Variants in CEP57 observed in about 807,000 individuals in gnomAD.
The protein encoded by CEP57 is centrosomal protein of 57 kDa.
A neutral mutation model predicts 68.0 loss-of-function variants in CEP57; 40 were observed. The observed-to-expected ratio is 0.59, with a 90% CI of 0.46 to 0.77. The LOEUF is 0.77. Among genes scored for constraint, CEP57 ranks in the 30% least tolerant of loss-of-function variants. The pLI is 0.00. For missense variants in CEP57, 606 were observed against 580.7 expected (o/e 1.04, Z -0.45); for synonymous variants, 219 against 198.7 (o/e 1.10, Z -0.86).
At chr11:95,810,891 A>G (rs1275193591) in intron 2 of CEP57, among the ~76,000 whole-genome samples, 2 of 152,192 alleles carry the variant, frequency 1.3e-5, no homozygotes, top group Non-Finnish European at 2.9e-5. Flanking sequence ...CACATTACCA[A>G]GACAATCCTG....
At position 95,790,611 on chromosome 11, in the gene CEP57, C is replaced by T. The variant is rs543140091; in HGVS notation, c.-88C>T. The T allele has an allele frequency of 2.2e-4, 329 of 1,519,706 alleles. 1 individual carries two copies. In the African/African-American group the frequency reaches 3.9e-3, roughly 18 times the overall value. 94.1% of individuals were successfully genotyped at this position (1,519,706 alleles called of 1,614,324 possible). ...CATCAGGGGTTCAGCCTAGGGTCCC[C>T]GCTGGTGGGCGGCTCCCGAGTCTTG... On this transcript the variant is annotated 5_prime_UTR_variant, in exon 1 of 11. Transcript: ENST00000325542.
rs1862886218 is a variant in CEP57, at chr11:95,829,183, A to C, written c.1128-4A>C. ...ACCATGTTCTACTTCTGCTTTGTAT[A>C]TAGTGATCACCAGCAGCTTGCAAAA... On this transcript the variant is annotated splice_polypyrimidine_tract_variant and splice_region_variant and intron_variant, in intron 9 of 10. Coordinates refer to ENST00000325542, the MANE Select transcript of CEP57 (RefSeq NM_014679.5). 1 of 1,613,758 alleles carries C rather than the reference A, an allele frequency of 6.2e-7. No individual in the cohort carries two copies. The highest frequency in any genetic ancestry group is 8.5e-7 in the Non-Finnish European group (1 of 1,179,932).
chr11:95,826,731 T>C (rs925900114), intron 8 of CEP57: 1 of 152,202 alleles, frequency 6.6e-6, no homozygotes, highest in African/African-American at 2.4e-5. Flanking sequence ...TTTTAAATTA[T>C]TGCATATTGA....
chr11:95,801,381 G>C (rs1479172158), intron 2 of CEP57, among the ~76,000 whole-genome samples: 1 of 145,340 alleles, frequency 6.9e-6, no homozygotes, highest in Admixed American at 7.0e-5. Context: ...CTACACATCA[G>C]AGTATAGCAG....
intron 2 of CEP57, 126 bp downstream of exon 2, chr11:95,799,514 C>T (rs937948459): frequency 8.8e-6 from 10 of 1,142,292 alleles, no homozygotes; most frequent in Non-Finnish European, 1.3e-5. Flanking sequence ...GTTTCAGCCC[C>T]CAGAAAATAT....
chr11:95,828,871 T>C (rs955676970), intron 9 of CEP57, among the ~76,000 whole-genome samples: 1 of 151,910 alleles, frequency 6.6e-6, no homozygotes, highest in African/African-American at 2.4e-5. Context: ...TGAAAACCTG[T>C]CTGTACTAAA....
chr11:95,809,589 A>G (rs1411857878), intron 2 of CEP57, among the ~76,000 whole-genome samples: 2 of 152,250 alleles, frequency 1.3e-5, no homozygotes, highest in Non-Finnish European at 2.9e-5. Context: ...CAAATAAACT[A>G]GAAAATCTAG....
At chr11:95,827,625 C>T in intron 8 of CEP57, 161 bp from the exon 9 acceptor site, 1 of 796,346 alleles carries the variant, frequency 1.3e-6, no homozygotes, top group East Asian at 2.7e-5. Flanking sequence ...GGATTTATAT[C>T]AAAGGATTTC....
chr11:95,797,581 C>G (rs1218987071), intron 1 of CEP57, among the ~76,000 whole-genome samples: 1 of 152,056 alleles, frequency 6.6e-6, no homozygotes, highest in African/African-American at 2.4e-5. Context: ...CTTCATCAGC[C>G]TAACAAGGAT....
intron 1 of CEP57, among the ~76,000 whole-genome samples, chr11:95,796,927 A>G (rs1213374010): frequency 6.6e-6 from 1 of 152,202 alleles, no homozygotes; most frequent in Admixed American, 6.5e-5. Context: ...ACATAGGGCA[A>G]GGTGTGAAAG....
chr11:95,805,653 T>G (rs1861767327), intron 2 of CEP57, among the ~76,000 whole-genome samples: 1 of 152,206 alleles, frequency 6.6e-6, no homozygotes, highest in South Asian at 2.1e-4. Context: ...TGATTCTAAA[T>G]AATTACTTGG....
intron 2 of CEP57, among the ~76,000 whole-genome samples, chr11:95,806,227 T>G (rs557310509): frequency 1.3e-5 from 2 of 152,262 alleles, no homozygotes; most frequent in African/African-American, 4.8e-5. Flanking sequence ...TGGGTATAAT[T>G]AATAAGGAAA....
rs947359384 is a variant in CEP57 at position 95,831,849 on chromosome 11, TA to T, written c.*595del. On this transcript the variant is annotated 3_prime_UTR_variant, in exon 11 of 11. Transcript: ENST00000325542. ...GCACTTGTATTGCTTTTTAATCTGT[TA>T]ATTTTTTAAAGACCCAAGCAGTCAT... 6.6e-6 allele frequency: 1 copy of T among 152,150 alleles called. No individual in the cohort carries two copies. The highest frequency in any genetic ancestry group is 2.4e-5 in the African/African-American group (1 of 41,442). 9.4% of individuals were successfully genotyped at this position (152,150 alleles called of 1,614,324 possible).
chr11:95,829,243 A>G lies in CEP57; in HGVS notation c.1184A>G (p.Asp395Gly), dbSNP rs1475572291. 3.1e-6 allele frequency: 5 copies of G among 1,614,132 alleles called. No homozygotes were observed. Among genetic ancestry groups the G allele is most frequent in the Admixed American group, 3.3e-5 (2 of 60,016 alleles). ...GAGTCGCCAACCGTTGAACTGAAAG[A>G]CAAGTTGGAGTGTGAATTGGAGGCA... ...IQESPTVELK[D>G]KLECELEALV... The change falls in exon 10 of 11, where the codon GAC becomes GGC. Residue 395 changes from aspartate (D) to glycine (G), a missense_variant. By Grantham distance (94) the Asp-to-Gly change is moderately conservative. Transcript: ENST00000325542.
chr11:95,813,847 A>G (rs1034184998), intron 4 of CEP57, among the ~76,000 whole-genome samples: 1 of 152,252 alleles, frequency 6.6e-6, no homozygotes, highest in African/African-American at 2.4e-5. Context: ...TTGAGTCTAC[A>G]TTATAAAAAG....
chr11:95,801,721 C>T (rs1861588668), intron 2 of CEP57, among the ~76,000 whole-genome samples: 1 of 151,512 alleles, frequency 6.6e-6, no homozygotes, highest in Non-Finnish European at 1.5e-5. Context: ...GATTTATTCA[C>T]CGAGAATCAG....
chr11:95,797,617 A>G (rs1313385251), intron 1 of CEP57, among the ~76,000 whole-genome samples: 2 of 152,178 alleles, frequency 1.3e-5, no homozygotes, highest in Non-Finnish European at 2.9e-5. Flanking sequence ...AAATTCTAGG[A>G]GTTTTTGAAT....
intron 2 of CEP57, among the ~76,000 whole-genome samples, chr11:95,806,665 G>C (rs971506826): frequency 6.6e-6 from 1 of 152,224 alleles, no homozygotes; most frequent in Non-Finnish European, 1.5e-5. Context: ...GCTGCAGCGA[G>C]GCTGGGGGAG....
At chr11:95,790,817 C>A (rs1161933943) in intron 1 of CEP57, 74 bp downstream of exon 1, 7 of 1,544,906 alleles carry the variant, frequency 4.5e-6, no homozygotes, top group Admixed American at 1.8e-5. Flanking sequence ...CGTTTCAGGG[C>A]GCTGTCAGTC....
Sources: allele counts gnomAD v4.1 joint callset (sites outside exome capture counted in the v4.1 genomes callset), GRCh38; gene constraint gnomAD v4.1.1; transcripts MANE v1.5; gene names NCBI Gene and HGNC (gene_info 2026-07-23, HGNC 2026-07-21).